CCSER1: variants seen among roughly 807,000 people sequenced by gnomAD.
The protein encoded by CCSER1 is coiled-coil serine rich protein 1.
A neutral mutation model predicts 82.0 loss-of-function variants in CCSER1; 41 were observed. That is an observed-to-expected ratio of 0.50 (90% CI 0.39 to 0.65). The LOEUF (loss-of-function observed/expected upper bound fraction) is 0.65, where lower values mean the gene tolerates loss of function less well. Ranked by LOEUF, CCSER1 falls within the 30% of genes least tolerant of loss-of-function variation. The pLI, the probability that CCSER1 is intolerant of heterozygous loss-of-function variation, is 0.00. For missense variants in CCSER1, 1,119 were observed against 1,064.2 expected (o/e 1.05, Z -0.72); for synonymous variants, 414 against 383.9 (o/e 1.08, Z -0.92).
intron 10 of CCSER1, among the ~76,000 whole-genome samples, chr4:91,401,281 TA>T (rs1482972843): frequency 6.7e-6 from 1 of 148,844 alleles, no homozygotes; most frequent in African/African-American, 2.4e-5. Flanking sequence ...CTATGCTACA[TA>T]GATATACTAT....
chr4:90,631,855 A>T (rs1284222192), intron 6 of CCSER1, among the ~76,000 whole-genome samples: 2 of 152,196 alleles, frequency 1.3e-5, no homozygotes, highest in Non-Finnish European at 2.9e-5. Flanking sequence ...TATTAAAAAT[A>T]TTGTATAAAA....
chr4:90,414,690 A>C (rs1276984658), intron 4 of CCSER1, among the ~76,000 whole-genome samples: 1 of 152,096 alleles, frequency 6.6e-6, no homozygotes, highest in African/African-American at 2.4e-5. Flanking sequence ...AAACCTCAGC[A>C]TATTTTTTTA....
At chr4:90,808,256 A>T (rs1466650280) in intron 7 of CCSER1, among the ~76,000 whole-genome samples, 1 of 152,196 alleles carries the variant, frequency 6.6e-6, no homozygotes, top group East Asian at 1.9e-4. Flanking sequence ...TGGATTAAAG[A>T]CTTAAATCTA....
intron 10 of CCSER1, among the ~76,000 whole-genome samples, chr4:91,276,293 C>CTTTTTT (rs545936410): frequency 8.6e-6 from 1 of 116,274 alleles, no homozygotes; most frequent in Non-Finnish European, 1.8e-5. Context: ...GATGTCTTTC[C>CTTTTTT]TTTTTTTTTT....
chr4:91,283,289 C>T (rs1169649333), intron 10 of CCSER1, among the ~76,000 whole-genome samples: 3 of 151,856 alleles, frequency 2.0e-5, no homozygotes, highest in Non-Finnish European at 4.4e-5. Context: ...AACTTTTTTC[C>T]CTTTATTAAA....
At chr4:90,638,942 T>A (rs1457179663) in intron 6 of CCSER1, among the ~76,000 whole-genome samples, 1 of 152,114 alleles carries the variant, frequency 6.6e-6, no homozygotes, top group Non-Finnish European at 1.5e-5. Context: ...TTGATTAATG[T>A]TTTCTTAAGT....
chr4:91,533,672 C>A (rs571751864), intron 10 of CCSER1, among the ~76,000 whole-genome samples: 3 of 152,036 alleles, frequency 2.0e-5, no homozygotes, highest in Non-Finnish European at 2.9e-5. Flanking sequence ...AATTTGAAAA[C>A]CCCTTTTGTT....
intron 7 of CCSER1, among the ~76,000 whole-genome samples, chr4:90,783,692 C>T (rs1754106265): frequency 6.6e-6 from 1 of 152,188 alleles, no homozygotes; most frequent in Non-Finnish European, 1.5e-5. Flanking sequence ...ATTTATCTCA[C>T]CAAGGAGAAA....
At chr4:90,867,426 T>A (rs982593917) in intron 8 of CCSER1, among the ~76,000 whole-genome samples, 7 of 152,132 alleles carry the variant, frequency 4.6e-5, no homozygotes, top group African/African-American at 1.4e-4. Context: ...AGTTGCTATA[T>A]ATGTTTACAG....
chr4:91,291,106 A>G (rs1015055822), intron 10 of CCSER1, among the ~76,000 whole-genome samples: 2 of 151,638 alleles, frequency 1.3e-5, no homozygotes, highest in Non-Finnish European at 2.9e-5. Context: ...CTTTCACAGT[A>G]TTAATAAATA....
chr4:90,966,511 G>T (rs1367807057), intron 9 of CCSER1, among the ~76,000 whole-genome samples: 1 of 152,000 alleles, frequency 6.6e-6, no homozygotes, highest in Non-Finnish European at 1.5e-5. Context: ...TTTCAAAAAT[G>T]AAAGAGAAAT....
intron 9 of CCSER1, among the ~76,000 whole-genome samples, chr4:91,069,396 T>G (rs1721193792): frequency 6.6e-6 from 1 of 152,082 alleles, no homozygotes; most frequent in South Asian, 2.1e-4. Context: ...AATATTATAC[T>G]CAATATATTA....
At chr4:90,855,106 C>G (rs1376099670) in intron 8 of CCSER1, among the ~76,000 whole-genome samples, 2 of 152,102 alleles carry the variant, frequency 1.3e-5, no homozygotes, top group African/African-American at 4.8e-5. Flanking sequence ...ATGATCCAGT[C>G]CAGTCACCTC....
chr4:90,400,591 A>G (rs1168502830), intron 4 of CCSER1, among the ~76,000 whole-genome samples: 2 of 152,146 alleles, frequency 1.3e-5, no homozygotes, highest in African/African-American at 4.8e-5. Context: ...AAAAGTACTA[A>G]TTACCAGTAG....
intron 10 of CCSER1, among the ~76,000 whole-genome samples, chr4:91,166,880 C>A (rs1224728409): frequency 2.0e-5 from 3 of 151,888 alleles, no homozygotes; most frequent in Non-Finnish European, 2.9e-5. Context: ...ACCTGGAAAA[C>A]CCTGTTTTGA....
intron 10 of CCSER1, among the ~76,000 whole-genome samples, chr4:91,164,815 C>T (rs1185176665): frequency 6.6e-6 from 1 of 152,142 alleles, no homozygotes; most frequent in Non-Finnish European, 1.5e-5. Flanking sequence ...ACTGTTCATT[C>T]TAGTTAGCCA....
chr4:91,447,734 A>T (rs537304523), intron 10 of CCSER1, among the ~76,000 whole-genome samples: 1 of 152,118 alleles, frequency 6.6e-6, no homozygotes, highest in South Asian at 2.1e-4. Context: ...TTTTTGTTTA[A>T]TTTTTTTGAA....
intron 3 of CCSER1, among the ~76,000 whole-genome samples, chr4:90,382,910 CGT>C (rs1366584931): frequency 1.3e-5 from 2 of 151,964 alleles, no homozygotes; most frequent in African/African-American, 2.4e-5. Context: ...ACTTCAACAC[CGT>C]GTGTTATTGC....
At chr4:90,766,470 A>C (rs1751241895) in intron 7 of CCSER1, among the ~76,000 whole-genome samples, 1 of 151,918 alleles carries the variant, frequency 6.6e-6, no homozygotes, top group South Asian at 2.1e-4. Context: ...TTTAGTGAAT[A>C]TACAAAGAAT....
Sources: gnomAD v4.1 joint callset for allele counts (sites outside exome capture counted in the v4.1 genomes callset) on GRCh38, gnomAD v4.1.1 for gene constraint, MANE v1.5 for transcripts, NCBI Gene and HGNC (gene_info 2026-07-23, HGNC 2026-07-21) for gene names.